Variants in RYR3 observed in about 807,000 individuals in gnomAD.
RYR3 encodes ryanodine receptor 3, also known as brain ryanodine receptor-calcium release channel.
In RYR3, 207 loss-of-function variants were observed where a neutral mutation model predicts 584.3. The ratio of observed to expected loss-of-function variants is 0.35; its 90% CI spans 0.32 to 0.40. The LOEUF is 0.40. Ranked by LOEUF, RYR3 falls within the 10% of genes least tolerant of loss-of-function variation. The probability of loss-of-function intolerance (pLI) is 1.00; values close to 1 mark genes in which losing one functional copy is unlikely to be tolerated. For synonymous variants in RYR3, 2,416 were observed against 2,248.5 expected (o/e 1.07, Z -2.11); for missense variants, 5,616 against 6,089.2 (o/e 0.92, Z 2.59).
Position 33,679,214 on chromosome 15 carries a change from A to AC in RYR3, c.5860+8662dup, listed in dbSNP as rs372170961. On this transcript the variant is annotated intron_variant, in intron 38 of 103. Transcript: ENST00000634891. ...CTAGAGGGTGTTATTGCATCACCTG[A>AC]CCCCTGACACAGGAAGCTTCATTTC... 7.2e-3 allele frequency among the ~76,000 whole-genome samples: 912 copies of AC among 126,624 alleles called. 16 individuals are homozygous for AC. Among genetic ancestry groups the AC allele is most frequent in the African/African-American group, 0.026 (856 of 32,678 alleles). The allele number at this position is 126,624 out of a possible 152,430, so 83.1% of individuals were successfully genotyped here. A position where few individuals can be genotyped will look rare whatever the true frequency, so the allele number is the denominator to read the frequency against.
At chr15:33,835,719 C>T (rs529271839) in intron 87 of RYR3, among the ~76,000 whole-genome samples, 1 of 152,202 alleles carries the variant, frequency 6.6e-6, no homozygotes. Context: ...TCACATCTGC[C>T]TCCTCTCTTC....
Position 33,722,422 on chromosome 15 carries a change from A to G in RYR3, c.6620-293A>G, listed in dbSNP as rs535165668. On this transcript the variant is annotated intron_variant, in intron 43 of 103. Transcript: ENST00000634891. ...GGATCTTAATACTTTAAACAAACAG[A>G]TCCTGACCCAATTTATCAAAGCCAC... 2.5e-5 allele frequency: 11 copies of G among 432,242 alleles called. No homozygotes were observed. In the East Asian group the frequency reaches 5.5e-4, roughly 21 times the overall value. The allele number at this position is 432,242 out of a possible 1,614,324, so 26.8% of individuals were successfully genotyped here.
At chr15:33,755,718 G>T (rs1432579812) in intron 58 of RYR3, among the ~76,000 whole-genome samples, 1 of 152,168 alleles carries the variant, frequency 6.6e-6, no homozygotes, top group Non-Finnish European at 1.5e-5. Context: ...TAACTTTCCT[G>T]TTGTCTTGCT....
chr15:33,771,091 C>G (rs188142178), intron 62 of RYR3, among the ~76,000 whole-genome samples: 31 of 151,744 alleles, frequency 2.0e-4, no homozygotes, highest in Non-Finnish European at 3.4e-4. Context: ...TTTAAAACGG[C>G]TAGTTGTCTC....
chr15:33,468,859 T>A (rs2048692531), intron 1 of RYR3, among the ~76,000 whole-genome samples: 1 of 152,198 alleles, frequency 6.6e-6, no homozygotes, highest in Non-Finnish European at 1.5e-5. Context: ...TGCATCAATA[T>A]AGGCTGCCTG....
chr15:33,510,609 T>G (rs2052894764), intron 3 of RYR3, among the ~76,000 whole-genome samples: 1 of 150,678 alleles, frequency 6.6e-6, no homozygotes, highest in African/African-American at 2.5e-5. Context: ...TTTTTTTTTT[T>G]GAGACAAGGT....
In RYR3 at chr15:33,816,937, G is replaced by A; in HGVS notation, c.10578G>A (p.Glu3526=). The change falls in exon 75 of 104, where the codon GAG becomes GAA. Residue 3526 remains glutamate, a synonymous_variant. Coordinates refer to ENST00000634891, the MANE Select transcript of RYR3 (RefSeq NM_001036.6). ...WIETEEYSFE[E]KLVQDLAKSP... ...AAACAGAGGAGTATTCCTTTGAAGA[G>A]AAACTAGTACAGGATTTGGCTGTAA... 1 of 1,608,960 alleles carries A rather than the reference G, an allele frequency of 6.2e-7. No individual in the cohort carries two copies. The highest frequency in any genetic ancestry group is 1.1e-5 in the South Asian group (1 of 90,012).
rs954764673 is a variant in RYR3 at position 33,696,486 on chromosome 15, G to T, written c.6129G>T (p.Gly2043=). 1.9e-6 allele frequency: 3 copies of T among 1,613,964 alleles called. No individual in the cohort carries two copies. The highest frequency in any genetic ancestry group is 2.5e-6 in the Non-Finnish European group (3 of 1,179,846). ...AAGAGGAGTTGCTCATGATCAATGGGCTGGGGTAGGTGATTCACGGTTACG... is the reference window on the plus strand; with the variant it reads ...AAGAGGAGTTGCTCATGATCAATGGTCTGGGGTAGGTGATTCACGGTTACG... ...GKEEELLMIN[G]LGDIMNNKVF... Residue 2043 remains glycine (G), a synonymous_variant, in exon 39 of 104, where the codon GGG becomes GGT. Transcript: ENST00000634891.
intron 102 of RYR3, among the ~76,000 whole-genome samples, chr15:33,862,248 C>T (rs188063904): frequency 2.8e-4 from 43 of 152,278 alleles, no homozygotes; most frequent in African/African-American, 5.5e-4. Flanking sequence ...GTCTCAACCC[C>T]GTTGCCCAGG....
intron 1 of RYR3, among the ~76,000 whole-genome samples, chr15:33,416,599 A>G (rs1287711249): frequency 6.6e-6 from 1 of 152,124 alleles, no homozygotes; most frequent in Non-Finnish European, 1.5e-5. Context: ...CCTTTGTCAG[A>G]TGCACAGTTT....
intron 92 of RYR3, 67 bp from the exon 93 acceptor site, chr15:33,844,795 T>C (rs2288603): frequency 0.029 from 38,698 of 1,340,278 alleles, 1,959 homozygotes; most frequent in East Asian, 0.25. Context: ...ATATAAAATA[T>C]GTGGGGAGAG....
chr15:33,718,324 C>A (rs2067651469), intron 43 of RYR3, among the ~76,000 whole-genome samples: 1 of 152,166 alleles, frequency 6.6e-6, no homozygotes, highest in Non-Finnish European at 1.5e-5. Context: ...CAAGTCTCTG[C>A]CTTGAGTCTC....
chr15:33,696,927 C>T (rs1386627489), intron 39 of RYR3, among the ~76,000 whole-genome samples: 1 of 148,158 alleles, frequency 6.7e-6, no homozygotes, highest in Non-Finnish European at 1.5e-5. Flanking sequence ...ATTGAGATAA[C>T]TTTCCCCTTA....
intron 19 of RYR3, among the ~76,000 whole-genome samples, chr15:33,617,049 G>C (rs2060485039): frequency 6.6e-6 from 1 of 152,192 alleles, no homozygotes; most frequent in Non-Finnish European, 1.5e-5. Context: ...TACTACTTTA[G>C]TTCAGTTGAA....
In RYR3 at chr15:33,827,216, C is replaced by T. The variant is rs1307336838; in HGVS notation, c.11263C>T (p.Arg3755Trp). The change falls in exon 85 of 104, where the codon CGG becomes TGG. Residue 3755 changes from arginine (R) to tryptophan (W), a missense_variant. Physicochemically the swap from Arg to Trp is moderately radical, Grantham distance 101. Around this residue, in one of 9 missense-constraint regions of RYR3, gnomAD observed 954 missense variants for 1,132.2 expected, o/e 0.84. Transcript: ENST00000634891. Reference protein sequence around the residue: ...GHNSDFQNFLRTQMGNTTTVN... With the variant: ...GHNSDFQNFLWTQMGNTTTVN... ...GCTCTCAGACTTTCAGAACTTCCTG[C>T]GGACTCAGATGGGCAACACCACCAC... The T allele has an allele frequency of 2.6e-6, 4 of 1,551,788 alleles. No individual in the cohort carries two copies. The highest frequency in any genetic ancestry group is 1.4e-5 in the African/African-American group (1 of 73,052).
chr15:33,628,355 G>A (rs1017189854), intron 20 of RYR3, 116 bp from the exon 21 acceptor site: 11 of 667,374 alleles, frequency 1.6e-5, no homozygotes, highest in Middle Eastern at 2.5e-4. Flanking sequence ...GCATGAGGTC[G>A]GATACTGCAG....
chr15:33,710,115 G>T lies in RYR3; in HGVS notation c.6619+3061G>T, dbSNP rs80058348. ...GACTGTATTAGACCATTCTTGCATT[G>T]CTATAAAGAAATACCTGAGACTTGA... is the stretch of plus-strand genomic sequence containing the variant. On this transcript the variant is annotated intron_variant, in intron 43 of 103. Coordinates refer to ENST00000634891, the MANE Select transcript of RYR3 (RefSeq NM_001036.6). Among the ~76,000 whole-genome samples, 137 of 152,274 alleles carry T rather than the reference G, an allele frequency of 9.0e-4. 2 individuals are homozygous for T. In the East Asian group the frequency reaches 0.023, roughly 26 times the overall value.
intron 11 of RYR3, among the ~76,000 whole-genome samples, chr15:33,564,724 T>A (rs2057605426): frequency 6.6e-6 from 1 of 152,198 alleles, no homozygotes; most frequent in Admixed American, 6.5e-5. Context: ...GATCTCATTT[T>A]GCATTGTTGA....
At chr15:33,404,884 C>T (rs2042921820) in intron 1 of RYR3, among the ~76,000 whole-genome samples, 1 of 152,076 alleles carries the variant, frequency 6.6e-6, no homozygotes, top group Non-Finnish European at 1.5e-5. Flanking sequence ...TAGGGGCTGT[C>T]TGCTGGAGAA....
Sources: allele counts gnomAD v4.1 joint callset (sites outside exome capture counted in the v4.1 genomes callset), GRCh38; gene constraint gnomAD v4.1.1; regional missense constraint gnomAD v4.1.1; transcripts MANE v1.5; gene names NCBI Gene and HGNC (gene_info 2026-07-23, HGNC 2026-07-21).